MRPS9: variants seen among roughly 807,000 people sequenced by gnomAD.
MRPS9 encodes small ribosomal subunit protein uS9m.
In MRPS9, 45 loss-of-function variants were observed where a neutral mutation model predicts 59.9. The ratio of observed to expected loss-of-function variants is 0.75; its 90% CI spans 0.59 to 0.96. The LOEUF is 0.96. MRPS9 is among the 40% of genes least tolerant of loss of function. The pLI is 0.00. For missense variants in MRPS9, 473 were observed against 481.1 expected (o/e 0.98, Z 0.16); for synonymous variants, 171 against 166.8 (o/e 1.03, Z -0.19).
At chr2:105,072,818 G>T (rs915028889) in intron 4 of MRPS9, among the ~76,000 whole-genome samples, 9 of 151,908 alleles carry the variant, frequency 5.9e-5, no homozygotes, top group African/African-American at 2.2e-4. Context: ...TCTTGGAAAT[G>T]ATAACTTTTA....
intron 2 of MRPS9, among the ~76,000 whole-genome samples, chr2:105,063,911 A>G (rs1016562676): frequency 1.3e-5 from 2 of 152,208 alleles, no homozygotes; most frequent in African/African-American, 4.8e-5. Flanking sequence ...CTTCAAAAAC[A>G]CACCTGCAGA....
chr2:105,069,493 G>A (rs1005469543), intron 2 of MRPS9, among the ~76,000 whole-genome samples: 1 of 152,144 alleles, frequency 6.6e-6, no homozygotes, highest in Non-Finnish European at 1.5e-5. Flanking sequence ...GATGACAGGC[G>A]TGAGCCACCA....
At position 105,071,322 on chromosome 2, in the gene MRPS9, GCTTAC is replaced by G; in HGVS notation, c.329_333del (p.Tyr110PhefsTer7). 1 of 1,609,962 alleles carries G rather than the reference GCTTAC, an allele frequency of 6.2e-7. No homozygotes were observed. Among genetic ancestry groups the G allele is most frequent in the Non-Finnish European group, 8.5e-7 (1 of 1,178,764 alleles). Reference sequence around the variant, plus strand: ...TTGTGTATATTTTCAGAGAGCTATTGCTTACCTTTTCCCAAGTGGTTTGTTTGAGA... The same window carrying G: ...TTGTGTATATTTTCAGAGAGCTATTGCTTTTCCCAAGTGGTTTGTTTGAGA... On this transcript the variant is annotated frameshift_variant, in exon 3 of 11. Coordinates refer to ENST00000258455, the MANE Select transcript of MRPS9 (RefSeq NM_182640.3). LOFTEE classifies it high-confidence loss of function.
At chr2:105,081,225 G>A (rs1478787386) in intron 5 of MRPS9, among the ~76,000 whole-genome samples, 2 of 152,226 alleles carry the variant, frequency 1.3e-5, no homozygotes, top group Admixed American at 6.5e-5. Flanking sequence ...TCATGGTGCA[G>A]ACGCAAATTT....
intron 9 of MRPS9, among the ~76,000 whole-genome samples, chr2:105,096,775 C>G (rs1680669543): frequency 6.6e-6 from 1 of 152,050 alleles, no homozygotes; most frequent in Non-Finnish European, 1.5e-5. Context: ...TTGGAAAGGC[C>G]TATTGATTTT....
intron 4 of MRPS9, among the ~76,000 whole-genome samples, chr2:105,075,234 T>G (rs1343477718): frequency 1.3e-5 from 2 of 152,180 alleles, no homozygotes; most frequent in Non-Finnish European, 2.9e-5. Context: ...TAAATACAGA[T>G]GAAGCTATGC....
Position 105,097,299 on chromosome 2 carries a change from G to C in MRPS9, c.1074G>C (p.Glu358Asp), listed in dbSNP as rs1473119693. 1 of 1,609,694 alleles carries C rather than the reference G, an allele frequency of 6.2e-7. No homozygotes were observed. The highest frequency in any genetic ancestry group is 1.1e-5 in the South Asian group (1 of 90,290). ...AAGCCTTGTGCAGCTTTGTCACCGAGGACGAGGTCGAGTGGATGAGACAAG... is the reference window on the plus strand; with the variant it reads ...AAGCCTTGTGCAGCTTTGTCACCGACGACGAGGTCGAGTGGATGAGACAAG... ...MAKALCSFVT[E>D]DEVEWMRQAG... Residue 358 changes from glutamate to aspartate, a missense_variant, in exon 10 of 11, where the codon GAG (glutamate) becomes GAC (aspartate). Glu to Asp is a conservative substitution (Grantham distance 45). Coordinates refer to ENST00000258455, the MANE Select transcript of MRPS9 (RefSeq NM_182640.3).
chr2:105,038,185 G>A lies in MRPS9; in HGVS notation c.93G>A (p.Trp31Ter). 1 of 1,613,332 alleles carries A rather than the reference G, an allele frequency of 6.2e-7. No homozygotes were observed. The highest frequency in any genetic ancestry group is 8.5e-7 in the Non-Finnish European group (1 of 1,179,686). Residue 31 changes from tryptophan (W) to a stop codon, truncating the protein, a stop_gained, in exon 1 of 11, where the codon TGG (tryptophan) becomes TGA (stop). Coordinates refer to ENST00000258455, the MANE Select transcript of MRPS9 (RefSeq NM_182640.3). LOFTEE classifies it high-confidence loss of function. ...GCCTCGCCCGGAAGCAAGGCCTCTGGAAAACCGCGGCCCCTGAGTTGCAAA... is the reference window on the plus strand; with the variant it reads ...GCCTCGCCCGGAAGCAAGGCCTCTGAAAAACCGCGGCCCCTGAGTTGCAAA... ...RGSLARKQGL[W>*]KTAAPELQTN... is the part of the protein sequence containing the mutation.
chr2:105,044,117 G>A (rs1454608336), intron 1 of MRPS9, among the ~76,000 whole-genome samples: 1 of 151,890 alleles, frequency 6.6e-6, no homozygotes, highest in Non-Finnish European at 1.5e-5. Flanking sequence ...TGTATTTTTA[G>A]TAGAGATGGG....
At chr2:105,055,852 C>G (rs1203269200) in intron 2 of MRPS9, among the ~76,000 whole-genome samples, 1 of 152,084 alleles carries the variant, frequency 6.6e-6, no homozygotes, top group Non-Finnish European at 1.5e-5. Context: ...TTCCTGAAAA[C>G]AAAAATAATT....
Position 105,050,428 on chromosome 2 carries a change from C to A in MRPS9, c.315+1078C>A, listed in dbSNP as rs1010447752. Among the ~76,000 whole-genome samples the A allele has an allele frequency of 2.6e-5, 4 of 152,292 alleles. No individual in the cohort carries two copies. In the East Asian group the frequency reaches 7.7e-4, roughly 29 times the overall value. On this transcript the variant is annotated intron_variant, in intron 2 of 10. Transcript: ENST00000258455. ...TTGCTGGGATTACAGGCGTTAGCCA[C>A]CCGGCCCGGTCCAGAAGGATTTCTT...
At chr2:105,043,556 T>G (rs1188827784) in intron 1 of MRPS9, among the ~76,000 whole-genome samples, 1 of 152,238 alleles carries the variant, frequency 6.6e-6, no homozygotes, top group Admixed American at 6.5e-5. Flanking sequence ...GGATAACTTT[T>G]AGCTGATAGA....
At chr2:105,075,256 C>G (rs143810057) in intron 4 of MRPS9, among the ~76,000 whole-genome samples, 2 of 152,298 alleles carry the variant, frequency 1.3e-5, no homozygotes, top group African/African-American at 4.8e-5. Flanking sequence ...GGTCTGTGGT[C>G]TAGGGGCTGG....
intron 2 of MRPS9, among the ~76,000 whole-genome samples, chr2:105,057,191 C>G (rs531673927): frequency 1.1e-4 from 16 of 152,272 alleles, no homozygotes; most frequent in African/African-American, 3.6e-4. Context: ...GATGGTGCTA[C>G]TGATAACCTT....
chr2:105,038,196 C>T lies in MRPS9; in HGVS notation c.104C>T (p.Ala35Val). The T allele has an allele frequency of 1.2e-6, 2 of 1,613,018 alleles. No individual in the cohort carries two copies. Among genetic ancestry groups the T allele is most frequent in the South Asian group, 1.1e-5 (1 of 90,810 alleles). Residue 35 changes from alanine (A) to valine (V), a missense_variant, in exon 1 of 11, where the codon GCC becomes GTC. Physicochemically the swap from Ala to Val is moderately conservative, Grantham distance 64. Transcript: ENST00000258455. The stretch of plus-strand genomic sequence containing the variant: ...AAGCAAGGCCTCTGGAAAACCGCGG[C>T]CCCTGAGTTGCAAACAAATGTCAGA... ...ARKQGLWKTA[A>V]PELQTNVRSQ... is the part of the protein sequence containing the mutation.
chr2:105,095,187 G>A (rs1401333719), intron 9 of MRPS9, among the ~76,000 whole-genome samples: 2 of 152,160 alleles, frequency 1.3e-5, no homozygotes, highest in Admixed American at 1.3e-4. Context: ...AACCAACCCA[G>A]AATCAGGGAT....
chr2:105,050,389 C>T (rs892138859), intron 2 of MRPS9, among the ~76,000 whole-genome samples: 1 of 152,176 alleles, frequency 6.6e-6, no homozygotes, highest in African/African-American at 2.4e-5. Flanking sequence ...ATCCACCCAT[C>T]TCAGCCTCCC....
chr2:105,053,055 C>T (rs572841829), intron 2 of MRPS9, among the ~76,000 whole-genome samples: 15 of 152,212 alleles, frequency 9.9e-5, no homozygotes, highest in South Asian at 2.1e-4. Context: ...TGAGCCACCA[C>T]GCCCAGCCCC....
At chr2:105,081,157 G>A (rs889082816) in intron 5 of MRPS9, among the ~76,000 whole-genome samples, 3 of 152,184 alleles carry the variant, frequency 2.0e-5, no homozygotes, top group Non-Finnish European at 4.4e-5. Context: ...GGTAATATTT[G>A]TGAAGGTTCC....
Sources: gnomAD v4.1 joint callset for allele counts (sites outside exome capture counted in the v4.1 genomes callset) on GRCh38, gnomAD v4.1.1 for gene constraint, MANE v1.5 for transcripts, NCBI Gene and HGNC (gene_info 2026-07-23, HGNC 2026-07-21) for gene names.